The following TCF12 variants were observed in gnomAD, a reference collection of about 807,000 sequenced individuals.
The protein encoded by TCF12 is DNA-binding protein HTF4.
TCF12 carries 45 observed loss-of-function variants against 86.0 expected under a neutral mutation model. The observed-to-expected ratio is 0.52, with a 90% CI of 0.41 to 0.67. The LOEUF is 0.67. TCF12 is among the 30% of genes least tolerant of loss of function. The pLI, the probability that TCF12 is intolerant of heterozygous loss-of-function variation, is 0.00. For synonymous variants in TCF12, 330 were observed against 299.6 expected (o/e 1.10, Z -1.05); for missense variants, 881 against 859.9 (o/e 1.02, Z -0.31).
chr15:57,015,967 C>A (rs531190868), intron 3 of TCF12, among the ~76,000 whole-genome samples: 53 of 152,176 alleles, frequency 3.5e-4, no homozygotes, highest in African/African-American at 1.2e-3. Flanking sequence ...TTTTAAGAGA[C>A]CTTTAGGTAT....
chr15:57,224,136 G>A (rs1036832831), intron 8 of TCF12, among the ~76,000 whole-genome samples: 1 of 151,766 alleles, frequency 6.6e-6, no homozygotes, highest in East Asian at 1.9e-4. Flanking sequence ...AAGGTATGTT[G>A]TCACTGGTCA....
At chr15:57,126,623 A>C (rs1350320982) in intron 5 of TCF12, among the ~76,000 whole-genome samples, 2 of 152,272 alleles carry the variant, frequency 1.3e-5, no homozygotes, top group African/African-American at 4.8e-5. Context: ...CCTTAGTTAG[A>C]TTCCATCTTT....
rs1238919021 is a variant in TCF12 at position 57,080,046 on chromosome 15, C to T, written c.223-11743C>T. Among the ~76,000 whole-genome samples the T allele has an allele frequency of 5.9e-5, 9 of 152,244 alleles. No individual in the cohort carries two copies. The East Asian group carries it at 1.5e-3, about 26-fold the overall frequency. ...GATGCTCTTTCAAATTGAAAAATTA[C>T]AGAAGTTCAAAATGAGGAAGTATTC... is the stretch of plus-strand genomic sequence containing the variant. On this transcript the variant is annotated intron_variant, in intron 4 of 20. Coordinates refer to ENST00000333725, the MANE Select transcript of TCF12 (RefSeq NM_207037.2).
chr15:57,150,271 CATGTATATGCAT>C (rs1210027518), intron 5 of TCF12, among the ~76,000 whole-genome samples: 3 of 152,124 alleles, frequency 2.0e-5, no homozygotes, highest in African/African-American at 7.2e-5. Flanking sequence ...CATGTACATG[CATGTATATGCAT>C]GAGAGGAAAC....
At position 57,251,439 on chromosome 15, in the gene TCF12, A is replaced by G. The variant is rs2060112584; in HGVS notation, c.1188+16A>G. On this transcript the variant is annotated intron_variant, in intron 14 of 20. Coordinates refer to ENST00000333725, the MANE Select transcript of TCF12 (RefSeq NM_207037.2). ...CCACTCCCTGGTAAGAGCCTCTTAT[A>G]CATCAGTTTTATCTGATAGCTTAGA... 5 of 1,612,978 alleles carry G rather than the reference A, an allele frequency of 3.1e-6. No individual in the cohort carries two copies. The highest frequency in any genetic ancestry group is 1.3e-5 in the African/African-American group (1 of 75,032).
rs1418382601 is a variant in TCF12 at position 57,149,905 on chromosome 15, G to C, written c.326-16497G>C. ...GCTTTTTTATTTTTTTCCTTTAAAG[G>C]GGGTGTGTGAAAGGGTTTCTAAGAG... is the stretch of plus-strand genomic sequence containing the variant. On this transcript the variant is annotated intron_variant, in intron 5 of 20. Transcript: ENST00000333725. Among the ~76,000 whole-genome samples the C allele has an allele frequency of 2.0e-5, 3 of 152,082 alleles. No individual in the cohort carries two copies. The South Asian group carries it at 6.2e-4, about 32-fold the overall frequency.
intron 3 of TCF12, among the ~76,000 whole-genome samples, chr15:56,951,433 A>G (rs765067795): frequency 3.9e-5 from 6 of 152,036 alleles, no homozygotes; most frequent in Admixed American, 6.6e-5. Flanking sequence ...TTCTTTATGT[A>G]TTCTGGGTAC....
rs963166604 is a variant in TCF12 at position 57,114,636 on chromosome 15, G to A, written c.325+22745G>A. 3.3e-5 allele frequency among the ~76,000 whole-genome samples: 5 copies of A among 152,166 alleles called. No individual in the cohort carries two copies. In the South Asian group the frequency reaches 1.0e-3, roughly 32 times the overall value. On this transcript the variant is annotated intron_variant, in intron 5 of 20. Transcript: ENST00000333725. ...TAAACAGTTAAGATTTTAAGTGGAG[G>A]TAGTAGCGGGACAGGTAGGGTGGAA... is the stretch of plus-strand genomic sequence containing the variant.
chr15:57,281,327 A>T (rs2061676670), intron 19 of TCF12, among the ~76,000 whole-genome samples: 1 of 152,006 alleles, frequency 6.6e-6, no homozygotes, highest in Admixed American at 6.5e-5. Flanking sequence ...TTTTAATAAC[A>T]CCTCCAGCAA....
intron 3 of TCF12, among the ~76,000 whole-genome samples, chr15:57,048,137 T>G (rs2067356609): frequency 6.6e-6 from 1 of 152,246 alleles, no homozygotes; most frequent in Non-Finnish European, 1.5e-5. Context: ...AAAATAACAT[T>G]GCATTTACCT....
At position 57,170,736 on chromosome 15, in the gene TCF12, T is replaced by A. The variant is rs1452354700; in HGVS notation, c.390+4270T>A. ...TAATATATATATTATATATTATATATAATATATATTATATATTATATATTA... is the reference window on the plus strand; with the variant it reads ...TAATATATATATTATATATTATATAAAATATATATTATATATTATATATTA... On this transcript the variant is annotated intron_variant, in intron 6 of 20. Transcript: ENST00000333725. Among the ~76,000 whole-genome samples, 8 of 2,208 alleles carry A rather than the reference T, an allele frequency of 3.6e-3. 1 individual carries two copies. The highest frequency in any genetic ancestry group is 7.0e-3 in the Non-Finnish European group (7 of 998). The allele number at this position is 2,208 out of a possible 152,430, so 1.4% of individuals were successfully genotyped here.
intron 4 of TCF12, among the ~76,000 whole-genome samples, chr15:57,087,624 T>C (rs1390223390): frequency 6.6e-6 from 1 of 152,110 alleles, no homozygotes; most frequent in Non-Finnish European, 1.5e-5. Flanking sequence ...TGAAGTATTA[T>C]GCATTCATAG....
In TCF12 at chr15:57,180,351, G is replaced by A. The variant is rs540227858; in HGVS notation, c.391-11807G>A. On this transcript the variant is annotated intron_variant, in intron 6 of 20. Coordinates refer to ENST00000333725, the MANE Select transcript of TCF12 (RefSeq NM_207037.2). ...TACAGCTAAAACACAATGATTTTTC[G>A]AAATTAGAACAACAACTGCAAATAT... 6.6e-5 allele frequency among the ~76,000 whole-genome samples: 10 copies of A among 152,142 alleles called. No homozygotes were observed. The South Asian group carries it at 1.9e-3, about 28-fold the overall frequency.
intron 5 of TCF12, among the ~76,000 whole-genome samples, chr15:57,122,573 C>T (rs80106580): frequency 7.4e-4 from 113 of 152,244 alleles, no homozygotes; most frequent in African/African-American, 2.7e-3. Context: ...GGAAGTAGAA[C>T]GAACTCAGAT....
intron 19 of TCF12, among the ~76,000 whole-genome samples, chr15:57,279,656 T>A (rs1361415892): frequency 6.6e-6 from 1 of 152,152 alleles, no homozygotes; most frequent in African/African-American, 2.4e-5. Context: ...TTTACTGAGT[T>A]TTTGGTGCTG....
At position 57,289,142 on chromosome 15, in the gene TCF12, G is replaced by T. The variant is rs2062024254; in HGVS notation, c.*2997G>T. ...CCCATGGCAATTGTCACATCCTCTT[G>T]GTATGCTGGCAGATTGCTTCTCTTG... On this transcript the variant is annotated 3_prime_UTR_variant, in exon 21 of 21. Coordinates refer to ENST00000333725, the MANE Select transcript of TCF12 (RefSeq NM_207037.2). 6.6e-6 allele frequency: 1 copy of T among 152,036 alleles called. No individual in the cohort carries two copies. The allele number at this position is 152,036 out of a possible 1,614,324, so 9.4% of individuals were successfully genotyped here.
chr15:57,230,871 C>CT (rs770412426), intron 8 of TCF12, among the ~76,000 whole-genome samples: 4 of 151,644 alleles, frequency 2.6e-5, no homozygotes, highest in Non-Finnish European at 5.9e-5. Context: ...CAGCTCAATG[C>CT]TTATTCAGTC....
intron 3 of TCF12, among the ~76,000 whole-genome samples, chr15:56,958,553 T>C (rs1652732): frequency 0.22 from 33,342 of 152,086 alleles, 3,711 homozygotes; most frequent in Non-Finnish European, 0.23. Context: ...ATGTATCTAG[T>C]GACTACCATA....
chr15:56,939,082 C>T (rs1157838692), intron 3 of TCF12, among the ~76,000 whole-genome samples: 5 of 152,220 alleles, frequency 3.3e-5, no homozygotes, highest in African/African-American at 1.2e-4. Context: ...TCTTCACTCT[C>T]AACCTGCAAT....
Sources: gnomAD v4.1 joint callset for allele counts (sites outside exome capture counted in the v4.1 genomes callset) on GRCh38, gnomAD v4.1.1 for gene constraint, MANE v1.5 for transcripts, NCBI Gene and HGNC (gene_info 2026-07-23, HGNC 2026-07-21) for gene names.